The following RBFOX3 variants were observed in gnomAD, a reference collection of about 807,000 sequenced individuals.
The protein encoded by RBFOX3 is RNA binding fox-1 homolog 3, also known as RNA binding protein fox-1 homolog 3.
Under a neutral mutation model 48.7 loss-of-function variants are expected in RBFOX3, and 17 were observed. The observed-to-expected ratio is 0.35, with a 90% CI of 0.24 to 0.52. The LOEUF (loss-of-function observed/expected upper bound fraction) is 0.52. RBFOX3 is among the 20% of genes least tolerant of loss of function. The pLI is 0.94. For synonymous variants in RBFOX3, 212 were observed against 209.5 expected (o/e 1.01, Z -0.10); for missense variants, 382 against 497.5 (o/e 0.77, Z 2.21).
intron 2 of RBFOX3, among the ~76,000 whole-genome samples, chr17:79,325,846 A>G (rs1248628685): frequency 6.6e-6 from 1 of 152,150 alleles, no homozygotes; most frequent in Admixed American, 6.5e-5. Flanking sequence ...GCGGAGTCGC[A>G]GTTCCGTTTA....
intron 4 of RBFOX3, 56 bp from the exon 5 acceptor site, chr17:79,115,804 CCT>C: frequency 1.7e-6 from 1 of 595,894 alleles, no homozygotes; most frequent in South Asian, 2.0e-5. Context: ...TCCCGGAGCC[CCT>C]GAGGATGGGG....
intron 4 of RBFOX3, among the ~76,000 whole-genome samples, chr17:79,187,469 C>T (rs1163237515): frequency 1.3e-5 from 2 of 152,132 alleles, no homozygotes; most frequent in African/African-American, 4.8e-5. Flanking sequence ...ACAAATACAT[C>T]GTGCTTTCCG....
At chr17:79,324,817 G>A (rs898774658) in intron 2 of RBFOX3, among the ~76,000 whole-genome samples, 7 of 152,222 alleles carry the variant, frequency 4.6e-5, no homozygotes, top group African/African-American at 1.7e-4. Flanking sequence ...TTGAAGCTCA[G>A]CCCTTGCTTC....
At chr17:79,655,747 T>C in the RBFOX3 span, among the ~76,000 whole-genome samples, 2 of 152,182 alleles carry the variant, frequency 1.3e-5, no homozygotes, top group South Asian at 4.1e-4. Flanking sequence ...GAACAGTCAG[T>C]GTGGTCAAGG....
At chr17:79,611,547 C>T (rs1052170668), upstream of RBFOX3, among the ~76,000 whole-genome samples, 19 of 152,214 alleles carry the variant, frequency 1.2e-4, no homozygotes, top group East Asian at 2.3e-3. Flanking sequence ...ATCTTGGGGG[C>T]GGATCAACCC....
At chr17:79,520,665 C>T (rs973918328) in intron 1 of RBFOX3, among the ~76,000 whole-genome samples, 3 of 152,238 alleles carry the variant, frequency 2.0e-5, no homozygotes, top group African/African-American at 7.2e-5. Flanking sequence ...GGACAGCCGG[C>T]GCCACCCTGC....
At chr17:79,620,593 ACG>A in the RBFOX3 span, among the ~76,000 whole-genome samples, 5 of 134,336 alleles carry the variant, frequency 3.7e-5, no homozygotes, top group Middle Eastern at 4.4e-3. Context: ...ACGCACACAC[ACG>A]CACGCACGCA....
chr17:79,629,622 T>C, the RBFOX3 span, among the ~76,000 whole-genome samples: 7 of 152,314 alleles, frequency 4.6e-5, no homozygotes, highest in South Asian at 1.5e-3. Context: ...AACCTTTAAC[T>C]CGGCAATTCC....
At chr17:79,463,158 T>C (rs1318912134) in intron 2 of RBFOX3, among the ~76,000 whole-genome samples, 16 of 62,878 alleles carry the variant, frequency 2.5e-4, no homozygotes, top group South Asian at 5.9e-4. Flanking sequence ...TCCACCACCA[T>C]CGCCACTGCC....
the RBFOX3 span, among the ~76,000 whole-genome samples, chr17:79,660,400 C>A: frequency 1.1e-4 from 16 of 152,298 alleles, no homozygotes; most frequent in Middle Eastern, 3.4e-3. Flanking sequence ...ATCTATCCAT[C>A]TGACAAAGGT....
chr17:79,172,173 CA>C (rs977301314), intron 4 of RBFOX3, among the ~76,000 whole-genome samples: 1,914 of 52,434 alleles, frequency 0.037, 11 homozygotes, highest in African/African-American at 0.12. Flanking sequence ...GAGTCCGTCT[CA>C]AAAAAAAAAA....
intron 4 of RBFOX3, among the ~76,000 whole-genome samples, chr17:79,163,776 G>T (rs576056867): frequency 2.0e-5 from 3 of 147,972 alleles, no homozygotes; most frequent in African/African-American, 7.3e-5. Context: ...ACCTGGGACC[G>T]CCAGATGCAG....
chr17:79,504,177 C>T (rs1002063874), intron 1 of RBFOX3, among the ~76,000 whole-genome samples: 3 of 152,316 alleles, frequency 2.0e-5, no homozygotes, highest in African/African-American at 4.8e-5. Context: ...ACCGTTCAGT[C>T]GCGTAAGCGT....
At chr17:79,647,389 G>A in the RBFOX3 span, among the ~76,000 whole-genome samples, 1 of 152,130 alleles carries the variant, frequency 6.6e-6, no homozygotes, top group Non-Finnish European at 1.5e-5. Flanking sequence ...CTCTGCACAG[G>A]AAAGCAGCAA....
At chr17:79,630,218 C>T in the RBFOX3 span, among the ~76,000 whole-genome samples, 109 of 152,278 alleles carry the variant, frequency 7.2e-4, no homozygotes, top group African/African-American at 2.2e-3. Flanking sequence ...TCGAGAACCC[C>T]GCAGAGTCTC....
Position 79,311,863 on chromosome 17 carries a change from C to G in RBFOX3, c.-174-4039G>C, listed in dbSNP as rs936829072. ...TCTGCTTGGGGGCAAGGACAGCATT[C>G]TCACGAACCTGGAACAAACCGGCCC... On this transcript the variant is annotated intron_variant, in intron 2 of 14. Transcript: ENST00000693108. This position sits in a 1 kb window ranked among gnomAD's most constrained non-coding sequence, Gnocchi z 4.2. Among the ~76,000 whole-genome samples, 1 of 152,158 alleles carries G rather than the reference C, an allele frequency of 6.6e-6. No individual in the cohort carries two copies. Among genetic ancestry groups the G allele is most frequent in the African/African-American group, 2.4e-5 (1 of 41,422 alleles).
chr17:79,279,800 C>T (rs546942469), intron 3 of RBFOX3, among the ~76,000 whole-genome samples: 37 of 152,210 alleles, frequency 2.4e-4, no homozygotes, highest in African/African-American at 8.4e-4. Context: ...GTCACATTCT[C>T]AGGAAAGGGG....
At chr17:79,604,384 C>A (rs1038502120) in intron 1 of RBFOX3, among the ~76,000 whole-genome samples, 1 of 151,638 alleles carries the variant, frequency 6.6e-6, no homozygotes, top group Non-Finnish European at 1.5e-5. Flanking sequence ...CCGGTGTGTG[C>A]GGCTCTCCCA....
rs1398224971 is a variant in RBFOX3 at position 79,390,103 on chromosome 17, G to A, written c.-174-82279C>T. On this transcript the variant is annotated intron_variant, in intron 2 of 14. Coordinates refer to ENST00000693108, the MANE Select transcript of RBFOX3 (RefSeq NM_001350451.2). The surrounding 1 kb of genome is among the most constrained non-coding windows in gnomAD (Gnocchi z 4.2). The stretch of plus-strand genomic sequence containing the variant: ...GGGTCTCCGCAGCCTCCGGGTCTCC[G>A]TAGCCAGCCACCCGGCCGAGGGGCT... Among the ~76,000 whole-genome samples, 5 of 152,074 alleles carry A rather than the reference G, an allele frequency of 3.3e-5. No individual in the cohort carries two copies. The highest frequency in any genetic ancestry group is 1.3e-4 in the Admixed American group (2 of 15,276).
Sources: gnomAD v4.1 joint callset for allele counts (sites outside exome capture counted in the v4.1 genomes callset) on GRCh38, gnomAD v4.1.1 for gene constraint, Gnocchi (gnomAD v3.1) non-coding constraint, MANE v1.5 for transcripts, NCBI Gene and HGNC (gene_info 2026-07-23, HGNC 2026-07-21) for gene names.